LPCAT2: variants seen among roughly 807,000 people sequenced by gnomAD.
The protein encoded by LPCAT2 is 1-AGP acyltransferase 11.
LPCAT2 carries 58 observed loss-of-function variants against 64.7 expected under a neutral mutation model. That is an observed-to-expected ratio of 0.90 (90% CI 0.73 to 1.12). The LOEUF is 1.12. Among genes scored for constraint, LPCAT2 ranks in the 50% most tolerant of loss-of-function variants. LPCAT2 has a pLI of 0.00. For synonymous variants in LPCAT2, 252 were observed against 245.3 expected, an observed-to-expected ratio of 1.03 and a Z score of -0.26; for missense variants, 579 against 669.8, an observed-to-expected ratio of 0.86 and a Z score of 1.50.
At chr16:55,527,155 A>G (rs13336192) in intron 2 of LPCAT2, among the ~76,000 whole-genome samples, 72,978 of 151,940 alleles carry the variant, frequency 0.48, 18,179 homozygotes, top group Non-Finnish European at 0.55. Flanking sequence ...AATAAAAGTC[A>G]CAGAAACTTC....
intron 8 of LPCAT2, 178 bp from the exon 9 acceptor site, chr16:55,545,557 A>C: frequency 2.1e-6 from 1 of 484,698 alleles, no homozygotes; most frequent in Non-Finnish European, 3.7e-6. Context: ...ACACACAAGC[A>C]GACCCAGGGC....
chr16:55,542,366 T>C (rs1459431658), intron 8 of LPCAT2, among the ~76,000 whole-genome samples: 1 of 152,084 alleles, frequency 6.6e-6, no homozygotes, highest in Non-Finnish European at 1.5e-5. Context: ...GGAGTGGAGC[T>C]GTGAAGCCAA....
intron 1 of LPCAT2, among the ~76,000 whole-genome samples, chr16:55,525,138 C>G (rs1202658363): frequency 6.6e-6 from 1 of 152,076 alleles, no homozygotes; most frequent in Admixed American, 6.6e-5. Context: ...CCCCTTCTTA[C>G]CTTGCTAGCT....
At position 55,550,691 on chromosome 16, in the gene LPCAT2, G is replaced by A. The variant is rs373726066; in HGVS notation, c.1062-258G>A. On this transcript the variant is annotated intron_variant, in intron 10 of 13. Coordinates refer to ENST00000262134, the MANE Select transcript of LPCAT2 (RefSeq NM_017839.5). ...AACACCTTGGGAGGCCGAGGCAGGCGGATCACGAGGTCAATAGATCGAGAC... is the reference window on the plus strand; with the variant it reads ...AACACCTTGGGAGGCCGAGGCAGGCAGATCACGAGGTCAATAGATCGAGAC... Among the ~76,000 whole-genome samples the A allele has an allele frequency of 2.5e-4, 38 of 152,208 alleles. 1 individual carries two copies. The South Asian group carries it at 5.6e-3, about 22-fold the overall frequency.
rs763474128 is a variant in LPCAT2 at position 55,564,406 on chromosome 16, T to A, written c.1216-10225T>A. On this transcript the variant is annotated intron_variant, in intron 11 of 13. Coordinates refer to ENST00000262134, the MANE Select transcript of LPCAT2 (RefSeq NM_017839.5). ...TAGCCAAAACAATCTTGAAAAAGAA[T>A]AGCAAAGTTGAAAGCCTGACATTTC... Among the ~76,000 whole-genome samples the A allele has an allele frequency of 1.6e-4, 25 of 151,888 alleles. 1 individual carries two copies. The highest frequency in any genetic ancestry group is 2.7e-4 in the Non-Finnish European group (18 of 67,806).
At chr16:55,545,428 A>G in intron 8 of LPCAT2, 1 of 225,188 alleles carries the variant, frequency 4.4e-6, no homozygotes, top group South Asian at 1.7e-4. Flanking sequence ...CTACAGCTTT[A>G]CACTTCCAGA....
chr16:55,582,282 G>T (rs1244450210), intron 13 of LPCAT2, among the ~76,000 whole-genome samples: 3 of 152,064 alleles, frequency 2.0e-5, no homozygotes, highest in African/African-American at 7.2e-5. Flanking sequence ...AAAGAAGGGG[G>T]TTGTTATCCT....
chr16:55,528,940 A>T (rs1963213800), intron 3 of LPCAT2, among the ~76,000 whole-genome samples: 1 of 152,152 alleles, frequency 6.6e-6, no homozygotes, highest in African/African-American at 2.4e-5. Flanking sequence ...AAACACAGGT[A>T]TATGCTGTTT....
chr16:55,541,615 G>A (rs1963397560), intron 8 of LPCAT2: 1 of 211,760 alleles, frequency 4.7e-6, no homozygotes, highest in African/African-American at 2.3e-5. Flanking sequence ...AATACTAATA[G>A]AGAAATAAAA....
At chr16:55,541,825 C>T (rs1457875403) in intron 8 of LPCAT2, 3 of 1,278,536 alleles carry the variant, frequency 2.3e-6, no homozygotes, top group Non-Finnish European at 3.1e-6. Context: ...CTTTTACTTT[C>T]TGTCTCATCT....
chr16:55,560,764 G>C (rs1301838907), intron 11 of LPCAT2, among the ~76,000 whole-genome samples: 1 of 151,966 alleles, frequency 6.6e-6, no homozygotes, highest in African/African-American at 2.4e-5. Context: ...AGAATTCCTA[G>C]TTTGGTATTC....
chr16:55,562,935 C>T (rs1332860121), intron 11 of LPCAT2, among the ~76,000 whole-genome samples: 2 of 151,696 alleles, frequency 1.3e-5, no homozygotes, highest in African/African-American at 4.8e-5. Context: ...TCCAGGCTAC[C>T]TGTTACAGAC....
At chr16:55,558,887 G>A (rs1211704011) in intron 11 of LPCAT2, among the ~76,000 whole-genome samples, 5 of 152,092 alleles carry the variant, frequency 3.3e-5, no homozygotes, top group African/African-American at 1.2e-4. Context: ...GAACTGGATT[G>A]AAGGATTACT....
intron 11 of LPCAT2, among the ~76,000 whole-genome samples, chr16:55,565,690 G>A (rs1963687312): frequency 6.6e-6 from 1 of 152,040 alleles, no homozygotes; most frequent in Non-Finnish European, 1.5e-5. Flanking sequence ...TGGTTACCAG[G>A]GGTGGGGGAA....
chr16:55,582,890 G>C (rs780934924), intron 13 of LPCAT2, 24 bp from the exon 14 acceptor site: 2 of 1,518,220 alleles, frequency 1.3e-6, no homozygotes, highest in East Asian at 4.5e-5. Flanking sequence ...CCAACTTATT[G>C]GATTTTTTTT....
Position 55,522,834 on chromosome 16 carries a change from G to A in LPCAT2, c.172-2674G>A, listed in dbSNP as rs141962514. Among the ~76,000 whole-genome samples, 664 of 151,644 alleles carry A rather than the reference G, an allele frequency of 4.4e-3. 1 individual carries two copies. Among genetic ancestry groups the A allele is most frequent in the Non-Finnish European group, 7.8e-3 (525 of 67,584 alleles). On this transcript the variant is annotated intron_variant, in intron 1 of 13. Coordinates refer to ENST00000262134, the MANE Select transcript of LPCAT2 (RefSeq NM_017839.5). Reference sequence around the variant, plus strand: ...TTTAAGATTGATCATAGATTGAAATGTAAAAGTGAAAATCATACAGCTTCT... The same window carrying A: ...TTTAAGATTGATCATAGATTGAAATATAAAAGTGAAAATCATACAGCTTCT...
At chr16:55,510,332 G>A (rs1283338627) in intron 1 of LPCAT2, among the ~76,000 whole-genome samples, 1 of 151,368 alleles carries the variant, frequency 6.6e-6, no homozygotes, top group Non-Finnish European at 1.5e-5. Flanking sequence ...CCTTTTTCTT[G>A]TAAAGGGTTC....
intron 1 of LPCAT2, among the ~76,000 whole-genome samples, chr16:55,511,943 T>A (rs1328391375): frequency 1.3e-5 from 2 of 152,214 alleles, no homozygotes; most frequent in South Asian, 2.1e-4. Context: ...TCTCAGCCAG[T>A]GACCTACCAG....
At chr16:55,568,844 G>T (rs1461922578) in intron 11 of LPCAT2, among the ~76,000 whole-genome samples, 1 of 152,112 alleles carries the variant, frequency 6.6e-6, no homozygotes, top group Non-Finnish European at 1.5e-5. Flanking sequence ...ACAGACCTTG[G>T]TTTGGCTTTA....
Sources: gnomAD v4.1 joint callset for allele counts (sites outside exome capture counted in the v4.1 genomes callset) on GRCh38, gnomAD v4.1.1 for gene constraint, MANE v1.5 for transcripts, NCBI Gene and HGNC (gene_info 2026-07-23, HGNC 2026-07-21) for gene names.